SEMA4A: variants seen among roughly 807,000 people sequenced by gnomAD.
The protein encoded by SEMA4A is semaphorin-4A.
SEMA4A carries 52 observed loss-of-function variants against 72.5 expected under a neutral mutation model. The ratio of observed to expected loss-of-function variants is 0.72; its 90% CI spans 0.57 to 0.90. The LOEUF (loss-of-function observed/expected upper bound fraction) is 0.90, where lower values mean the gene tolerates loss of function less well. Among genes scored for constraint, SEMA4A ranks in the 40% least tolerant of loss-of-function variants. The pLI, the probability that SEMA4A is intolerant of heterozygous loss-of-function variation, is 0.00. For synonymous variants in SEMA4A, 369 were observed against 393.1 expected (o/e 0.94, Z 0.73); for missense variants, 926 against 959.7 (o/e 0.96, Z 0.46).
chr1:156,160,652 A>G (rs1377121865), intron 7 of SEMA4A, 93 bp downstream of exon 7: 3 of 1,194,566 alleles, frequency 2.5e-6, no homozygotes, highest in East Asian at 4.8e-5. Flanking sequence ...CAATGTGTCC[A>G]TTACTGTTAG....
intron 11 of SEMA4A, among the ~76,000 whole-genome samples, chr1:156,174,232 GTTCA>G (rs2103006455): frequency 6.6e-6 from 1 of 152,340 alleles, no homozygotes; most frequent in African/African-American, 2.4e-5. Flanking sequence ...AATTTGTCAA[GTTCA>G]TTCATTCCTT....
At chr1:156,174,341 T>A (rs1361728234) in intron 11 of SEMA4A, among the ~76,000 whole-genome samples, 1 of 152,200 alleles carries the variant, frequency 6.6e-6, no homozygotes, top group African/African-American at 2.4e-5. Flanking sequence ...GTGGAGTGGA[T>A]GGAGACAGAC....
In SEMA4A at chr1:156,161,179, G is replaced by A. The variant is rs1391335917; in HGVS notation, c.810+150G>A. Reference sequence around the variant, plus strand: ...GCGGGGTGGGGCGGGGGACAGCGGGGCTGGGCGGGTGGGGCGGGGGACAAG... The same window carrying A: ...GCGGGGTGGGGCGGGGGACAGCGGGACTGGGCGGGTGGGGCGGGGGACAAG... On this transcript the variant is annotated intron_variant, in intron 8 of 14. Coordinates refer to ENST00000368285, the MANE Select transcript of SEMA4A (RefSeq NM_022367.4). The A allele has an allele frequency of 1.0e-5, 5 of 484,508 alleles. No homozygotes were observed. In the East Asian group the frequency reaches 2.0e-4, roughly 19 times the overall value. The allele number at this position is 484,508 out of a possible 1,614,324, so 30.0% of individuals were successfully genotyped here.
At chr1:156,160,769 C>A in intron 7 of SEMA4A, 136 bp from the exon 8 acceptor site, 1 of 1,316,922 alleles carries the variant, frequency 7.6e-7, no homozygotes, top group Non-Finnish European at 1.1e-6. Flanking sequence ...CCCCACATCG[C>A]TACCCCTCGA....
chr1:156,174,537 C>T (rs758448927), intron 11 of SEMA4A, among the ~76,000 whole-genome samples: 2 of 152,132 alleles, frequency 1.3e-5, no homozygotes, highest in Non-Finnish European at 1.5e-5. Flanking sequence ...TACAGAAGCA[C>T]CCAGCCGCCC....
At chr1:156,154,344 C>T in intron 1 of SEMA4A, 1 of 590,650 alleles carries the variant, frequency 1.7e-6, no homozygotes, top group Non-Finnish European at 3.0e-6. Flanking sequence ...CCATAGGGGA[C>T]AGTGAGGTGA....
rs1655441453 is a variant in SEMA4A at position 156,177,194 on chromosome 1, C to T, written c.*197C>T. ...TCTGCCTCCCCTATGGGACTCCCTT[C>T]TACCAAGCACATGAGCTCTCTAACA... On this transcript the variant is annotated 3_prime_UTR_variant, in exon 15 of 15. Coordinates refer to ENST00000368285, the MANE Select transcript of SEMA4A (RefSeq NM_022367.4). 1 of 654,788 alleles carries T rather than the reference C, an allele frequency of 1.5e-6. No homozygotes were observed. The highest frequency in any genetic ancestry group is 2.7e-6 in the Non-Finnish European group (1 of 363,694). 40.6% of individuals were successfully genotyped at this position (654,788 alleles called of 1,614,324 possible).
chr1:156,159,364 CAG>C (rs371185764), intron 6 of SEMA4A, among the ~76,000 whole-genome samples: 132 of 151,354 alleles, frequency 8.7e-4, no homozygotes, highest in African/African-American at 3.1e-3. Context: ...ATGCAGAGGA[CAG>C]AGAGAGAGAG....
chr1:156,166,586 C>T (rs1033825649), intron 10 of SEMA4A, among the ~76,000 whole-genome samples: 2 of 152,084 alleles, frequency 1.3e-5, no homozygotes, highest in African/African-American at 4.8e-5. Flanking sequence ...CTTTGTCTTC[C>T]AATCTTTCTG....
chr1:156,152,295 G>C (rs2102924568), upstream of SEMA4A, among the ~76,000 whole-genome samples: 1 of 152,312 alleles, frequency 6.6e-6, no homozygotes, highest in East Asian at 1.9e-4. Flanking sequence ...ACTGGGGGCA[G>C]GGCATGGAGT....
intron 14 of SEMA4A, 47 bp downstream of exon 14, chr1:156,175,703 A>G: frequency 7.1e-7 from 1 of 1,401,890 alleles, no homozygotes; most frequent in Non-Finnish European, 9.9e-7. Flanking sequence ...GCTCTGGAAG[A>G]CTTTTGGGCA....
chr1:156,161,468 C>T lies in SEMA4A; in HGVS notation c.933C>T (p.Pro311=). The T allele has an allele frequency of 1.2e-6, 2 of 1,614,054 alleles. No homozygotes were observed. The highest frequency in any genetic ancestry group is 1.7e-6 in the Non-Finnish European group (2 of 1,179,990). The change falls in exon 9 of 15, where the codon CCC becomes CCT. Residue 311 remains proline, a synonymous_variant. Transcript: ENST00000368285. ...TCATCCGCCACGCGGTCCTGCTCCCCGCCGATTCTCCCACAGCTCCCCACA... is the reference window on the plus strand; with the variant it reads ...TCATCCGCCACGCGGTCCTGCTCCCTGCCGATTCTCCCACAGCTCCCCACA... ...FNVIRHAVLL[P]ADSPTAPHIY... is the part of the protein sequence containing the mutation.
chr1:156,158,114 T>C lies in SEMA4A; in HGVS notation c.345T>C (p.Phe115=). ...ACAGAAAAAAGAGTGAATGTGCCTT[T>C]AAGAAGAAGAGCAATGAGGTAAGTG... ...ASDRKKSECA[F]KKKSNETQCF... Residue 115 remains phenylalanine (F), a synonymous_variant, in exon 4 of 15, where the codon TTT becomes TTC. Transcript: ENST00000368285. 3 of 1,614,186 alleles carry C rather than the reference T, an allele frequency of 1.9e-6. No homozygotes were observed. Among genetic ancestry groups the C allele is most frequent in the Non-Finnish European group, 2.5e-6 (3 of 1,180,036 alleles).
rs973696195 is a variant in SEMA4A at position 156,160,815 on chromosome 1, G to A, written c.686-90G>A. 10 of 1,592,122 alleles carry A rather than the reference G, an allele frequency of 6.3e-6. No individual in the cohort carries two copies. In the Admixed American group the frequency reaches 1.7e-4, roughly 27 times the overall value. ...GACCCGAGGAAGCCTGTGTGTCCTG[G>A]CCTCCAGGGCCAAACCAACGGTTTT... On this transcript the variant is annotated intron_variant, in intron 7 of 14. Coordinates refer to ENST00000368285, the MANE Select transcript of SEMA4A (RefSeq NM_022367.4).
chr1:156,154,087 G>A (rs528080952), intron 1 of SEMA4A, among the ~76,000 whole-genome samples: 2 of 152,174 alleles, frequency 1.3e-5, no homozygotes, highest in East Asian at 1.9e-4. Context: ...AGGCACAGGT[G>A]TCAACAGATC....
intron 6 of SEMA4A, 155 bp downstream of exon 6, chr1:156,158,979 T>C (rs1280073896): frequency 1.5e-5 from 10 of 689,398 alleles, no homozygotes; most frequent in Admixed American, 4.2e-5. Context: ...AGTTGAAGGA[T>C]GCTTGAGTTT....
intron 10 of SEMA4A, 28 bp downstream of exon 10, chr1:156,163,122 A>G (rs1158847810): frequency 6.6e-7 from 1 of 1,521,482 alleles, no homozygotes; most frequent in Non-Finnish European, 9.1e-7. Flanking sequence ...CACTGAGCAC[A>G]GTCTACACAT....
intron 10 of SEMA4A, 133 bp from the exon 11 acceptor site, chr1:156,172,693 C>T (rs910830088): frequency 3.6e-5 from 31 of 852,216 alleles, no homozygotes; most frequent in African/African-American, 6.7e-5. Flanking sequence ...GCTCCAGAGT[C>T]GGAGCTTTAA....
chr1:156,163,095 G>A lies in SEMA4A; in HGVS notation c.1134+1G>A, dbSNP rs1267961750. ...TGAGACCAACCCCCGGCCAGGCAGT[G>A]TGAGTACTACCCCCCACACTGAGCA... On this transcript the variant is annotated splice_donor_variant, in intron 10 of 14. Transcript: ENST00000368285. LOFTEE classifies it high-confidence loss of function. 1 of 1,612,676 alleles carries A rather than the reference G, an allele frequency of 6.2e-7. No homozygotes were observed. Among genetic ancestry groups the A allele is most frequent in the African/African-American group, 1.3e-5 (1 of 74,686 alleles).
Sources: gnomAD v4.1 joint callset for allele counts (sites outside exome capture counted in the v4.1 genomes callset) on GRCh38, gnomAD v4.1.1 for gene constraint, MANE v1.5 for transcripts, NCBI Gene and HGNC (gene_info 2026-07-23, HGNC 2026-07-21) for gene names.